Variants in MYOM1 observed in about 807,000 individuals in gnomAD.
MYOM1 encodes myomesin 1.
In MYOM1, 164 loss-of-function variants were observed where a neutral mutation model predicts 205.3. The observed-to-expected ratio is 0.80, with a 90% CI of 0.70 to 0.91. The LOEUF (loss-of-function observed/expected upper bound fraction) is 0.91. Ranked by LOEUF, MYOM1 falls within the 40% of genes least tolerant of loss-of-function variation. The pLI is 0.00. For missense variants in MYOM1, 2,011 were observed against 2,127.3 expected, an observed-to-expected ratio of 0.95 and a Z score of 1.08; for synonymous variants, 772 against 789.4, an observed-to-expected ratio of 0.98 and a Z score of 0.37.
At chr18:3,185,933 C>T (rs760530204) in intron 5 of MYOM1, among the ~76,000 whole-genome samples, 1 of 152,194 alleles carries the variant, frequency 6.6e-6, no homozygotes, top group Non-Finnish European at 1.5e-5. Context: ...CGCTGGCTCA[C>T]TCCGGTAGTC....
In MYOM1 at chr18:3,188,868, G is replaced by A; in HGVS notation, c.651C>T (p.Ser217=). The change falls in exon 4 of 38, where the codon TCC becomes TCT. Residue 217 remains serine, a synonymous_variant. Transcript: ENST00000356443. ...QSTASRQSTA[S]RQSVVSKQAT... ...CCTGTTTGGAAACCACAGACTGCCT[G>A]GATGCCGTGGACTGCCTGGATGCCG... is the stretch of plus-strand genomic sequence containing the variant. 6.2e-7 allele frequency: 1 copy of A among 1,609,064 alleles called. No individual in the cohort carries two copies.
chr18:3,240,487 G>A, the MYOM1 span, among the ~76,000 whole-genome samples: 1 of 152,304 alleles, frequency 6.6e-6, no homozygotes, highest in East Asian at 1.9e-4. Context: ...TCTCTTGTCT[G>A]CCACCATGTA....
chr18:3,104,745 C>CTTTTTT (rs745369627), intron 22 of MYOM1, among the ~76,000 whole-genome samples: 36 of 80,600 alleles, frequency 4.5e-4, no homozygotes, highest in African/African-American at 8.7e-4. Context: ...GAATTGGAAT[C>CTTTTTT]TTTTTTTTTT....
intron 30 of MYOM1, among the ~76,000 whole-genome samples, chr18:3,085,643 T>C (rs140109771): frequency 1.7e-4 from 26 of 152,312 alleles, no homozygotes; most frequent in African/African-American, 6.0e-4. Context: ...AAACTAGTGA[T>C]CACTAGTTTT....
intron 19 of MYOM1, among the ~76,000 whole-genome samples, chr18:3,123,057 G>A (rs1173049734): frequency 1.3e-5 from 2 of 152,110 alleles, no homozygotes. Flanking sequence ...GAACTCCCGG[G>A]TTGAAGCAAT....
chr18:3,072,972 C>CTT (rs1290773371), intron 36 of MYOM1, among the ~76,000 whole-genome samples: 67 of 91,826 alleles, frequency 7.3e-4, no homozygotes, highest in South Asian at 2.5e-3. Context: ...CAGATGTAAG[C>CTT]ATTTTTTTTT....
At chr18:3,141,571 A>G (rs1176194224) in intron 14 of MYOM1, among the ~76,000 whole-genome samples, 1 of 152,094 alleles carries the variant, frequency 6.6e-6, no homozygotes, top group African/African-American at 2.4e-5. Context: ...CAGAAGGAGG[A>G]GTGGTAGAGA....
intron 11 of MYOM1, among the ~76,000 whole-genome samples, chr18:3,154,650 C>CACACACAT (rs1259805986): frequency 6.7e-6 from 1 of 148,842 alleles, no homozygotes; most frequent in African/African-American, 2.5e-5. Context: ...CACACACACA[C>CACACACAT]ATTTATAATG....
intron 16 of MYOM1, 42 bp from the exon 17 acceptor site, chr18:3,131,538 G>T: frequency 1.3e-6 from 2 of 1,573,964 alleles, no homozygotes; most frequent in South Asian, 1.1e-5. Context: ...CTAGGAGGAA[G>T]ATTAAGGAAG....
At chr18:3,175,760 C>T (rs2080629215) in intron 6 of MYOM1, among the ~76,000 whole-genome samples, 1 of 152,138 alleles carries the variant, frequency 6.6e-6, no homozygotes, top group Non-Finnish European at 1.5e-5. Flanking sequence ...GAAAAATTCC[C>T]AAGTATATAA....
At chr18:3,100,471 C>A (rs772922673) in intron 23 of MYOM1, 45 bp from the exon 24 acceptor site, 4 of 1,391,558 alleles carry the variant, frequency 2.9e-6, no homozygotes, top group Non-Finnish European at 3.0e-6. Context: ...TGTGTGGGAT[C>A]TGTGGGCCTG....
At chr18:3,187,348 C>G in intron 5 of MYOM1, 132 bp downstream of exon 5, 1 of 1,017,550 alleles carries the variant, frequency 9.8e-7, no homozygotes, top group South Asian at 1.9e-5. Flanking sequence ...CCCTTCTTCA[C>G]TCTTTTAAAA....
At chr18:3,230,310 G>C in the MYOM1 span, among the ~76,000 whole-genome samples, 2 of 152,300 alleles carry the variant, frequency 1.3e-5, no homozygotes, top group African/African-American at 4.8e-5. Context: ...TGGAGGCAGG[G>C]AACCTAAGGC....
intron 12 of MYOM1, among the ~76,000 whole-genome samples, 172 bp from the exon 13 acceptor site, chr18:3,149,373 AG>A (rs1039166357): frequency 4.6e-4 from 70 of 152,338 alleles, no homozygotes; most frequent in African/African-American, 1.4e-3. Context: ...TGGGAAGCAC[AG>A]CCCCGGTCCT....
chr18:3,081,432 C>T (rs984109848), intron 33 of MYOM1, among the ~76,000 whole-genome samples: 10 of 152,084 alleles, frequency 6.6e-5, no homozygotes, highest in African/African-American at 2.4e-4. Context: ...CATCCTTATC[C>T]CTGAATGTCA....
chr18:3,076,216 C>A (rs1173706294), intron 34 of MYOM1, among the ~76,000 whole-genome samples: 2 of 151,958 alleles, frequency 1.3e-5, no homozygotes, highest in Non-Finnish European at 2.9e-5. Context: ...AAGTAGCATG[C>A]GCCATCACAC....
intron 22 of MYOM1, among the ~76,000 whole-genome samples, chr18:3,105,724 G>T (rs1233958465): frequency 4.6e-5 from 7 of 152,208 alleles, no homozygotes; most frequent in African/African-American, 1.7e-4. Flanking sequence ...GCGTGGTGGC[G>T]CATGTCTGTA....
intron 23 of MYOM1, among the ~76,000 whole-genome samples, chr18:3,101,072 G>T (rs976988089): frequency 6.6e-6 from 1 of 152,208 alleles, no homozygotes; most frequent in African/African-American, 2.4e-5. Context: ...GAAATGTTAA[G>T]TGTATAAACT....
intron 5 of MYOM1, 39 bp downstream of exon 5, chr18:3,187,441 G>C (rs1258171874): frequency 6.3e-6 from 10 of 1,597,538 alleles, no homozygotes; most frequent in Admixed American, 3.4e-5. Context: ...ACTTAACTTG[G>C]TGTAATGAAT....
Sources: allele counts gnomAD v4.1 joint callset (sites outside exome capture counted in the v4.1 genomes callset), GRCh38; gene constraint gnomAD v4.1.1; transcripts MANE v1.5; gene names NCBI Gene and HGNC (gene_info 2026-07-23, HGNC 2026-07-21).